The following PPARGC1A variants were observed in gnomAD, a reference collection of about 807,000 sequenced individuals.
The protein encoded by PPARGC1A is peroxisome proliferator-activated receptor gamma coactivator 1-alpha.
In PPARGC1A, 25 loss-of-function variants were observed where a neutral mutation model predicts 88.7. The observed-to-expected ratio is 0.28, with a 90% confidence interval of 0.21 to 0.39. The LOEUF (loss-of-function observed/expected upper bound fraction) is 0.39, where lower values mean the gene tolerates loss of function less well. PPARGC1A is among the 10% of genes least tolerant of loss of function. The pLI is 1.00. For missense variants in PPARGC1A, 880 were observed against 968.7 expected (o/e 0.91, Z 1.22); for synonymous variants, 363 against 355.6 (o/e 1.02, Z -0.24).
At chr4:24,145,684 G>T in the PPARGC1A span, among the ~76,000 whole-genome samples, 2 of 152,128 alleles carry the variant, frequency 1.3e-5, no homozygotes, top group African/African-American at 4.8e-5. Context: ...ATAATACCAC[G>T]TTCGACTTAG....
chr4:23,851,863 C>T (rs763716022), intron 2 of PPARGC1A, among the ~76,000 whole-genome samples: 22 of 152,170 alleles, frequency 1.4e-4, no homozygotes, highest in Non-Finnish European at 2.6e-4. Flanking sequence ...AAGTATACTA[C>T]ATCCAGTGCT....
chr4:24,236,217 A>T, the PPARGC1A span, among the ~76,000 whole-genome samples: 1 of 152,146 alleles, frequency 6.6e-6, no homozygotes, highest in Non-Finnish European at 1.5e-5. Flanking sequence ...ATGAGCAGAC[A>T]CCCATCTGAT....
chr4:24,051,803 T>G, the PPARGC1A span, among the ~76,000 whole-genome samples: 2 of 151,836 alleles, frequency 1.3e-5, no homozygotes, highest in Non-Finnish European at 2.9e-5. Flanking sequence ...TAAAAATGAA[T>G]AGACAAGCCA....
At chr4:24,074,929 C>T in the PPARGC1A span, among the ~76,000 whole-genome samples, 1 of 152,172 alleles carries the variant, frequency 6.6e-6, no homozygotes, top group Non-Finnish European at 1.5e-5. Context: ...AGAACAAAGG[C>T]AGATCCTCTT....
chr4:24,089,506 TTTTC>T, the PPARGC1A span, among the ~76,000 whole-genome samples: 4 of 66,898 alleles, frequency 6.0e-5, no homozygotes, highest in African/African-American at 2.4e-4. Context: ...TTTTCTTTTC[TTTTC>T]TTTCTTTTTT....
chr4:23,934,888 C>T, the PPARGC1A span, among the ~76,000 whole-genome samples: 1 of 152,218 alleles, frequency 6.6e-6, no homozygotes, highest in Non-Finnish European at 1.5e-5. Context: ...TTGCCACTGC[C>T]TTTCTCTCCT....
At chr4:24,071,573 CT>C in the PPARGC1A span, among the ~76,000 whole-genome samples, 4 of 151,818 alleles carry the variant, frequency 2.6e-5, no homozygotes, top group African/African-American at 9.7e-5. Context: ...TTGCACTGGT[CT>C]TTAAATGACA....
the PPARGC1A span, among the ~76,000 whole-genome samples, chr4:24,224,670 C>A: frequency 6.6e-6 from 1 of 151,988 alleles, no homozygotes; most frequent in Non-Finnish European, 1.5e-5. Flanking sequence ...CATTATGGTG[C>A]AAATGGGGGC....
At chr4:23,961,445 G>T in the PPARGC1A span, among the ~76,000 whole-genome samples, 1 of 151,756 alleles carries the variant, frequency 6.6e-6, no homozygotes. Context: ...AACCTATTGG[G>T]GAGACTAGAC....
the PPARGC1A span, among the ~76,000 whole-genome samples, chr4:24,004,661 T>C: frequency 1.3e-5 from 2 of 152,182 alleles, no homozygotes; most frequent in African/African-American, 4.8e-5. Flanking sequence ...AAATCACTGA[T>C]TTTGTTACTG....
chr4:24,348,784 C>T, the PPARGC1A span, among the ~76,000 whole-genome samples: 4 of 152,162 alleles, frequency 2.6e-5, no homozygotes, highest in Non-Finnish European at 2.9e-5. Context: ...AGCTAAATAA[C>T]TAACCTCCTA....
the PPARGC1A span, among the ~76,000 whole-genome samples, chr4:24,348,487 G>T: frequency 6.6e-6 from 1 of 152,098 alleles, no homozygotes; most frequent in African/African-American, 2.4e-5. Context: ...CTTCTTGGAG[G>T]CTTTGTTCAT....
chr4:24,135,544 T>A, the PPARGC1A span, among the ~76,000 whole-genome samples: 1 of 152,080 alleles, frequency 6.6e-6, no homozygotes, highest in African/African-American at 2.4e-5. Flanking sequence ...ATGGAAGGAT[T>A]TTGCTTGGTA....
the PPARGC1A span, among the ~76,000 whole-genome samples, chr4:24,104,634 C>G: frequency 0.42 from 63,085 of 151,816 alleles, 14,269 homozygotes; most frequent in African/African-American, 0.59. Flanking sequence ...TCATTGGAAG[C>G]AATCAGAAGG....
At chr4:24,258,916 CTG>C in the PPARGC1A span, among the ~76,000 whole-genome samples, 1 of 152,182 alleles carries the variant, frequency 6.6e-6, no homozygotes, top group Admixed American at 6.5e-5. Flanking sequence ...AAGTTTAGAA[CTG>C]TGTGTGGCTT....
At chr4:23,895,087 GAT>G (rs1491414370) in intron 1 of PPARGC1A, among the ~76,000 whole-genome samples, 2 of 56,022 alleles carry the variant, frequency 3.6e-5, no homozygotes, top group Non-Finnish European at 7.3e-5. Context: ...TACTAAGAAG[GAT>G]TTTTTTTTTT....
chr4:23,836,523 C>T (rs909947075), intron 2 of PPARGC1A, among the ~76,000 whole-genome samples: 8 of 152,116 alleles, frequency 5.3e-5, no homozygotes, highest in Non-Finnish European at 1.0e-4. Context: ...TACTAACAAC[C>T]CAAAATTTAG....
chr4:24,321,032 A>C, the PPARGC1A span, among the ~76,000 whole-genome samples: 1 of 152,252 alleles, frequency 6.6e-6, no homozygotes, highest in East Asian at 1.9e-4. Context: ...GAAGAGTTGC[A>C]AGTGTAGGGC....
At chr4:24,275,788 C>G in the PPARGC1A span, among the ~76,000 whole-genome samples, 1 of 152,188 alleles carries the variant, frequency 6.6e-6, no homozygotes, top group Non-Finnish European at 1.5e-5. Flanking sequence ...GATGGAAGAA[C>G]TGAGCTTTAT....
Sources: allele counts gnomAD v4.1 joint callset (sites outside exome capture counted in the v4.1 genomes callset), GRCh38; gene constraint gnomAD v4.1.1; transcripts MANE v1.5; gene names NCBI Gene and HGNC (gene_info 2026-07-23, HGNC 2026-07-21).